The following NCS1 variants were observed in gnomAD, a reference collection of about 807,000 sequenced individuals.
NCS1 encodes frequenin homolog.
NCS1 carries 6 observed loss-of-function variants against 28.4 expected under a neutral mutation model. That is an observed-to-expected ratio of 0.21 (90% CI 0.12 to 0.42). NCS1 has a LOEUF of 0.42. Among genes scored for constraint, NCS1 ranks in the 10% least tolerant of loss-of-function variants. NCS1 has a pLI of 1.00. For synonymous variants in NCS1, 86 were observed against 99.3 expected (o/e 0.87, Z 0.79); for missense variants, 131 against 241.4 (o/e 0.54, Z 3.03).
intron 2 of NCS1, 67 bp downstream of exon 2, chr9:130,201,049 A>T: frequency 6.3e-7 from 1 of 1,595,314 alleles, no homozygotes; most frequent in Non-Finnish European, 8.6e-7. Context: ...CTGTGGGCTG[A>T]TGGGGACAGC....
intron 7 of NCS1, among the ~76,000 whole-genome samples, chr9:130,227,758 C>T (rs1159449934): frequency 1.3e-5 from 2 of 152,220 alleles, no homozygotes; most frequent in Non-Finnish European, 2.9e-5. Context: ...CCACAAACAG[C>T]AGCTTAAGAA....
At chr9:130,221,413 T>TAGAG (rs782666520) in intron 4 of NCS1, among the ~76,000 whole-genome samples, 32 of 57,662 alleles carry the variant, frequency 5.5e-4, no homozygotes, top group South Asian at 3.5e-3. Flanking sequence ...TATATATATA[T>TAGAG]AGAGAGAGAG....
chr9:130,174,244 G>A (rs57722644), intron 1 of NCS1, among the ~76,000 whole-genome samples: 8,953 of 152,258 alleles, frequency 0.059, 924 homozygotes, highest in African/African-American at 0.2. Context: ...CAGGAGTGGT[G>A]GGCATGGGCT....
At position 130,181,436 on chromosome 9, in the gene NCS1, T is replaced by C. The variant is rs1262029427; in HGVS notation, c.64+8709T>C. The stretch of plus-strand genomic sequence containing the variant: ...TGCGGTGAGAATCTGGTATTAGGCA[T>C]GTTCCGTGTGACCCAGGCCTGTCCT... On this transcript the variant is annotated intron_variant, in intron 1 of 7. Coordinates refer to ENST00000372398, the MANE Select transcript of NCS1 (RefSeq NM_014286.4). The surrounding 1 kb of genome is among the most constrained non-coding windows in gnomAD (Gnocchi z 5.0). Among the ~76,000 whole-genome samples the C allele has an allele frequency of 2.0e-5, 3 of 152,150 alleles. No homozygotes were observed. The highest frequency in any genetic ancestry group is 2.0e-4 in the Admixed American group (3 of 15,282).
chr9:130,190,065 A>AG (rs61046186), intron 1 of NCS1, among the ~76,000 whole-genome samples: 3 of 146,538 alleles, frequency 2.0e-5, no homozygotes, highest in African/African-American at 5.1e-5. Context: ...AGAGAGAGAG[A>AG]ATATATGTGG....
At chr9:130,174,606 G>A (rs1026773318) in intron 1 of NCS1, among the ~76,000 whole-genome samples, 2 of 152,006 alleles carry the variant, frequency 1.3e-5, no homozygotes, top group Admixed American at 6.6e-5. Context: ...AGGCCGAGGC[G>A]GGTGGACCAG....
At chr9:130,201,284 G>T (rs999983027) in intron 2 of NCS1, among the ~76,000 whole-genome samples, 1 of 152,188 alleles carries the variant, frequency 6.6e-6, no homozygotes, top group Non-Finnish European at 1.5e-5. Context: ...AAAGAGAAGG[G>T]TTTGGATAAG....
At chr9:130,224,064 T>A (rs1554911024) in intron 6 of NCS1, among the ~76,000 whole-genome samples, 1 of 151,282 alleles carries the variant, frequency 6.6e-6, no homozygotes, top group East Asian at 2.0e-4. Context: ...GCCAGGATGG[T>A]CTCGATCTCC....
Position 130,226,329 on chromosome 9 carries a change from C to A in NCS1, c.475-60C>A. On this transcript the variant is annotated intron_variant, in intron 6 of 7. Transcript: ENST00000372398. The surrounding 1 kb of genome is among the most constrained non-coding windows in gnomAD (Gnocchi z 4.8). ...CTCTTGGGACCGGCCCTGGGCTGGG[C>A]TTGTCTAGAGCCCTCTCCTGGGAGG... 1 of 1,457,274 alleles carries A rather than the reference C, an allele frequency of 6.9e-7. No homozygotes were observed. Among genetic ancestry groups the A allele is most frequent in the Non-Finnish European group, 9.6e-7 (1 of 1,042,140 alleles). The allele number at this position is 1,457,274 out of a possible 1,614,324, so 90.3% of individuals were successfully genotyped here.
rs2131113812 is a variant in NCS1, at chr9:130,177,565, C to T, written c.64+4838C>T. Among the ~76,000 whole-genome samples, 1 of 152,322 alleles carries T rather than the reference C, an allele frequency of 6.6e-6. No individual in the cohort carries two copies. Among genetic ancestry groups the T allele is most frequent in the Middle Eastern group, 3.4e-3 (1 of 294 alleles). On this transcript the variant is annotated intron_variant, in intron 1 of 7. Transcript: ENST00000372398. The surrounding 1 kb of genome is among the most constrained non-coding windows in gnomAD (Gnocchi z 4.4). Reference sequence around the variant, plus strand: ...TTTCTCTGACAGTGGAGCAGAGCAGCAGCAGGAGAGACTGAGGTGGACTCT... The same window carrying T: ...TTTCTCTGACAGTGGAGCAGAGCAGTAGCAGGAGAGACTGAGGTGGACTCT...
Position 130,226,492 on chromosome 9 carries a change from A to G in NCS1, c.*5A>G. ...CTCTACGACGGGCTGGTATAGTCCC[A>G]GGCTGGAGCTGGGTGAGTGCAGACT... On this transcript the variant is annotated 3_prime_UTR_variant, in exon 7 of 8. Transcript: ENST00000372398. The surrounding 1 kb of genome is among the most constrained non-coding windows in gnomAD (Gnocchi z 4.8). 1.2e-6 allele frequency: 2 copies of G among 1,610,426 alleles called. No individual in the cohort carries two copies. Among genetic ancestry groups the G allele is most frequent in the Middle Eastern group, 1.7e-4 (1 of 6,046 alleles).
intron 3 of NCS1, among the ~76,000 whole-genome samples, chr9:130,218,803 C>G (rs1483903890): frequency 1.9e-4 from 29 of 152,256 alleles, no homozygotes; most frequent in Admixed American, 1.8e-3. Flanking sequence ...ATTGCCCAGG[C>G]TGGTCTTGAA....
intron 1 of NCS1, among the ~76,000 whole-genome samples, chr9:130,185,509 G>A (rs1393694558): frequency 6.6e-6 from 1 of 152,178 alleles, no homozygotes; most frequent in Non-Finnish European, 1.5e-5. Flanking sequence ...AGCTGGCCAG[G>A]CCTCGTGAGG....
intron 1 of NCS1, among the ~76,000 whole-genome samples, chr9:130,195,725 C>G (rs1832870015): frequency 6.6e-6 from 1 of 152,232 alleles, no homozygotes; most frequent in African/African-American, 2.4e-5. Flanking sequence ...CGCTCGGGCG[C>G]AGCTAGGCTT....
intron 1 of NCS1, among the ~76,000 whole-genome samples, chr9:130,174,129 G>A (rs954018182): frequency 1.3e-5 from 2 of 152,172 alleles, no homozygotes; most frequent in African/African-American, 4.8e-5. Flanking sequence ...TGTGAGATTC[G>A]CTGGGGACTC....
chr9:130,189,880 ATATATAT>A (rs1350870110), intron 1 of NCS1, among the ~76,000 whole-genome samples: 92 of 47,510 alleles, frequency 1.9e-3, no homozygotes, highest in African/African-American at 4.8e-3. Flanking sequence ...AAAAAAAAAA[ATATATAT>A]ATATATATAT....
intron 1 of NCS1, among the ~76,000 whole-genome samples, chr9:130,182,303 G>A (rs1461128604): frequency 1.3e-5 from 2 of 152,230 alleles, no homozygotes; most frequent in East Asian, 1.9e-4. Flanking sequence ...CCCACCCGGC[G>A]CCTGCCTCCC....
At chr9:130,172,884 G>C (rs1327295527) in intron 1 of NCS1, among the ~76,000 whole-genome samples, 157 bp downstream of exon 1, 1 of 146,862 alleles carries the variant, frequency 6.8e-6, no homozygotes, top group African/African-American at 2.5e-5. Context: ...GGAGGTTCCC[G>C]GGCCGCGCCC....
chr9:130,221,451 G>GAGAGAGAGAGAGAGAA (rs1194707277), intron 4 of NCS1, among the ~76,000 whole-genome samples: 3 of 138,108 alleles, frequency 2.2e-5, no homozygotes, highest in African/African-American at 8.2e-5. Flanking sequence ...GAGAGAGAGA[G>GAGAGAGAGAGAGAGAA]AAAGAGAGAG....
Sources: allele counts gnomAD v4.1 joint callset (sites outside exome capture counted in the v4.1 genomes callset), GRCh38; gene constraint gnomAD v4.1.1; non-coding constraint Gnocchi (gnomAD v3.1); transcripts MANE v1.5; gene names NCBI Gene and HGNC (gene_info 2026-07-23, HGNC 2026-07-21).